SPATS1: variants seen among roughly 807,000 people sequenced by gnomAD.
SPATS1 encodes spermatogenesis associated serine rich 1.
A neutral mutation model predicts 33.6 loss-of-function variants in SPATS1; 23 were observed. The observed-to-expected ratio is 0.68, with a 90% CI of 0.49 to 0.97. SPATS1 has a LOEUF of 0.97. Among genes scored for constraint, SPATS1 ranks in the 50% least tolerant of loss-of-function variants. SPATS1 has a pLI of 0.00. For synonymous variants in SPATS1, 131 were observed against 125.6 expected (o/e 1.04, Z -0.29); for missense variants, 327 against 361.0 (o/e 0.91, Z 0.76).
chr6:44,368,705 A>G (rs185273503), intron 6 of SPATS1, among the ~76,000 whole-genome samples: 1 of 152,290 alleles, frequency 6.6e-6, no homozygotes, highest in East Asian at 1.9e-4. Flanking sequence ...GGACTACAAA[A>G]AAGTGGTTGT....
chr6:44,343,992 G>A (rs1164262723), intron 2 of SPATS1, among the ~76,000 whole-genome samples: 1 of 146,172 alleles, frequency 6.8e-6, no homozygotes, highest in East Asian at 2.1e-4. Flanking sequence ...GGGGAGAAAG[G>A]AGGGAGGTAC....
chr6:44,375,829 G>A (rs1295095325), intron 7 of SPATS1, among the ~76,000 whole-genome samples: 1 of 151,740 alleles, frequency 6.6e-6, no homozygotes, highest in African/African-American at 2.4e-5. Context: ...ATATGGGCTG[G>A]GTATAGTGGC....
rs116228633 is a variant in SPATS1 at position 44,356,611 on chromosome 6, C to A, written c.287+3738C>A. ...CACTCATATGGTTGATAGCAGGATT[C>A]ACTTCCTCACAGGCTGCTGGGGCTG... On this transcript the variant is annotated intron_variant, in intron 3 of 8. Coordinates refer to ENST00000674044, the MANE Select transcript of SPATS1 (RefSeq NM_001372081.1). Among the ~76,000 whole-genome samples the A allele has an allele frequency of 5.1e-3, 779 of 152,280 alleles. 2 individuals are homozygous for A. Among genetic ancestry groups the A allele is most frequent in the Non-Finnish European group, 9.1e-3 (621 of 68,032 alleles).
chr6:44,351,068 A>T (rs1052933567), intron 2 of SPATS1, among the ~76,000 whole-genome samples: 2 of 141,788 alleles, frequency 1.4e-5, no homozygotes, highest in Non-Finnish European at 3.0e-5. Flanking sequence ...GGTGGCAGTG[A>T]GCTGAGATCA....
In SPATS1 at chr6:44,343,076, T is replaced by G. The variant is rs1189203465; in HGVS notation, c.1-20T>G. 2.5e-6 allele frequency: 4 copies of G among 1,613,344 alleles called. No individual in the cohort carries two copies. Among genetic ancestry groups the G allele is most frequent in the Admixed American group, 3.3e-5 (2 of 59,842 alleles). ...TTGTCTCTGGGTTGCTTCTAATATT[T>G]AAAATCATCATGGGCACAGATGAGT... On this transcript the variant is annotated intron_variant, in intron 1 of 8. Transcript: ENST00000674044.
intron 7 of SPATS1, among the ~76,000 whole-genome samples, chr6:44,373,764 T>TA (rs1789767903): frequency 2.0e-5 from 3 of 152,178 alleles, no homozygotes. Context: ...GATTACTTAT[T>TA]GAAAAGGTCC....
intron 2 of SPATS1, among the ~76,000 whole-genome samples, chr6:44,343,974 T>C (rs1324709329): frequency 6.7e-6 from 1 of 149,050 alleles, no homozygotes; most frequent in Non-Finnish European, 1.5e-5. Flanking sequence ...CTCATTCTCC[T>C]TCACAGTGGG....
chr6:44,360,578 A>G lies in SPATS1; in HGVS notation c.412+8A>G. 1 of 1,614,072 alleles carries G rather than the reference A, an allele frequency of 6.2e-7. No individual in the cohort carries two copies. Among genetic ancestry groups the G allele is most frequent in the Non-Finnish European group, 8.5e-7 (1 of 1,179,960 alleles). The stretch of plus-strand genomic sequence containing the variant: ...TGCTTAAGTTGCAGACGAGTAAGTC[A>G]CAGACCCTCCTCCACATGCTTCTGT... On this transcript the variant is annotated splice_region_variant and intron_variant, in intron 4 of 8. Coordinates refer to ENST00000674044, the MANE Select transcript of SPATS1 (RefSeq NM_001372081.1).
At chr6:44,343,351 G>A (rs1330324403) in intron 2 of SPATS1, 117 bp downstream of exon 2, 9 of 1,276,450 alleles carry the variant, frequency 7.1e-6, no homozygotes, top group Non-Finnish European at 1.1e-6. Flanking sequence ...CTAGTTTGGG[G>A]GCATGTAAAA....
At chr6:44,342,901 C>A in intron 1 of SPATS1, 133 bp downstream of exon 1, 3 of 1,252,372 alleles carry the variant, frequency 2.4e-6, no homozygotes, top group Non-Finnish European at 3.3e-6. Flanking sequence ...TGGGGGCGGA[C>A]TCGCTGGGGC....
chr6:44,348,112 G>A (rs796775961), intron 2 of SPATS1, among the ~76,000 whole-genome samples: 9 of 151,896 alleles, frequency 5.9e-5, no homozygotes, highest in South Asian at 2.1e-4. Context: ...GGGATCAAGC[G>A]ATTCTCCTGC....
intron 2 of SPATS1, among the ~76,000 whole-genome samples, chr6:44,347,519 A>G (rs1328630966): frequency 6.6e-6 from 1 of 151,890 alleles, no homozygotes. Flanking sequence ...CTTTTCCTTT[A>G]TTTTGCCTGT....
chr6:44,362,796 G>A (rs1270273118), intron 5 of SPATS1, among the ~76,000 whole-genome samples: 1 of 152,008 alleles, frequency 6.6e-6, no homozygotes, highest in East Asian at 1.9e-4. Flanking sequence ...TGAGCTGGGA[G>A]AGTGGTCATT....
intron 2 of SPATS1, 66 bp downstream of exon 2, chr6:44,343,300 CG>C: frequency 6.9e-7 from 1 of 1,440,444 alleles, no homozygotes; most frequent in Non-Finnish European, 9.5e-7. Context: ...CACCCGGGGG[CG>C]GGGGCAGGTG....
At chr6:44,370,642 T>A (rs1789547474) in intron 7 of SPATS1, among the ~76,000 whole-genome samples, 1 of 152,224 alleles carries the variant, frequency 6.6e-6, no homozygotes, top group Admixed American at 6.5e-5. Flanking sequence ...TTTCTTTTTT[T>A]ACTTTCTAAT....
At chr6:44,347,633 G>A (rs1583076948) in intron 2 of SPATS1, among the ~76,000 whole-genome samples, 1 of 151,924 alleles carries the variant, frequency 6.6e-6, no homozygotes. Flanking sequence ...ATTCAAATCT[G>A]TGAGTCATCT....
chr6:44,375,416 T>C (rs1789871875), intron 7 of SPATS1, among the ~76,000 whole-genome samples: 1 of 152,136 alleles, frequency 6.6e-6, no homozygotes, highest in Non-Finnish European at 1.5e-5. Context: ...TTGGGGTGCC[T>C]TGGGAGATAG....
At chr6:44,357,505 CCTGAATAG>C (rs1432394948) in intron 3 of SPATS1, among the ~76,000 whole-genome samples, 2 of 152,130 alleles carry the variant, frequency 1.3e-5, no homozygotes, top group African/African-American at 4.8e-5. Flanking sequence ...TCCTCAGCTC[CCTGAATAG>C]CTGGGATTAC....
At chr6:44,352,628 G>A (rs554122176) in intron 2 of SPATS1, 98 bp from the exon 3 acceptor site, 20 of 1,070,558 alleles carry the variant, frequency 1.9e-5, no homozygotes, top group Middle Eastern at 4.7e-4. Context: ...TTCAATAAAT[G>A]TTAGCTGTTT....
Sources: allele counts gnomAD v4.1 joint callset (sites outside exome capture counted in the v4.1 genomes callset), GRCh38; gene constraint gnomAD v4.1.1; transcripts MANE v1.5; gene names NCBI Gene and HGNC (gene_info 2026-07-23, HGNC 2026-07-21).